KCNK4: variants seen among roughly 807,000 people sequenced by gnomAD.
KCNK4 encodes the protein potassium two pore domain channel subfamily K member 4.
In KCNK4, 22 loss-of-function variants were observed where a neutral mutation model predicts 28.8. The ratio of observed to expected loss-of-function variants is 0.76; its 90% CI spans 0.55 to 1.09. The LOEUF (loss-of-function observed/expected upper bound fraction) is 1.09, where lower values mean the gene tolerates loss of function less well. KCNK4 is among the 50% of genes least tolerant of loss of function. KCNK4 has a pLI of 0.00. For missense variants in KCNK4, 483 were observed against 546.3 expected, an observed-to-expected ratio of 0.88 and a Z score of 1.15; for synonymous variants, 263 against 252.9, an observed-to-expected ratio of 1.04 and a Z score of -0.38.
At chr11:64,299,100 T>C (rs1416053152) in intron 6 of KCNK4, among the ~76,000 whole-genome samples, 4 of 147,884 alleles carry the variant, frequency 2.7e-5, no homozygotes, top group African/African-American at 1.0e-4. Flanking sequence ...GCACGAGATA[T>C]ATTTATACTA....
intron 2 of KCNK4, 22 bp from the exon 3 acceptor site, chr11:64,296,856 C>A: frequency 6.7e-7 from 1 of 1,502,516 alleles, no homozygotes; most frequent in Non-Finnish European, 8.9e-7. Context: ...TGAAGCTCCT[C>A]CTTCTGCACC....
chr11:64,297,407 G>T, intron 4 of KCNK4, 60 bp from the exon 5 acceptor site: 1 of 1,594,954 alleles, frequency 6.3e-7, no homozygotes. Context: ...CGGGAGTGGG[G>T]AGTATGGGAG....
At position 64,297,287 on chromosome 11, in the gene KCNK4, G is replaced by T. The variant is rs374337405; in HGVS notation, c.474+8G>T. On this transcript the variant is annotated splice_region_variant and intron_variant, in intron 4 of 6. Transcript: ENST00000422670. ...ATTGAAGCCATCTTCTTGGTGAGCT[G>T]CTCCATGCCCTGCCTGCCCTTGTGC... 1.9e-6 allele frequency: 3 copies of T among 1,607,714 alleles called. No individual in the cohort carries two copies. Among genetic ancestry groups the T allele is most frequent in the Non-Finnish European group, 2.6e-6 (3 of 1,176,240 alleles).
At position 64,299,359 on chromosome 11, in the gene KCNK4, C is replaced by T. The variant is rs2135236141; in HGVS notation, c.815C>T (p.Thr272Met). The change falls in exon 7 of 7, where the codon ACG becomes ATG. Residue 272 changes from threonine to methionine, a missense_variant. Thr to Met is a moderately conservative substitution (Grantham distance 81, BLOSUM62 -1). Transcript: ENST00000422670. ...CTCTCCGTGCAGATGGGCGGCCTCA[C>T]GGCTCAGGCTGCCAGCTGGACTGGC... ...RRTRAEMGGL[T>M]AQAASWTGTV... 6.4e-7 allele frequency: 1 copy of T among 1,561,326 alleles called. No individual in the cohort carries two copies.
chr11:64,299,280 G>A, intron 6 of KCNK4, 66 bp from the exon 7 acceptor site: 2 of 1,385,812 alleles, frequency 1.4e-6, no homozygotes, highest in Non-Finnish European at 1.9e-6. Context: ...TGAAGGGGCA[G>A]GTTCCCGGGG....
At position 64,299,474 on chromosome 11, in the gene KCNK4, A is replaced by T. The variant is rs1336065832; in HGVS notation, c.930A>T (p.Pro310=). The T allele has an allele frequency of 1.2e-6, 2 of 1,605,836 alleles. No individual in the cohort carries two copies. Residue 310 remains proline (P), a synonymous_variant, in exon 7 of 7, where the codon CCA becomes CCT. Transcript: ENST00000422670. ...EQPLLPPPPC[P]AQPLGRPRSP... is the part of the protein sequence containing the mutation. The stretch of plus-strand genomic sequence containing the variant: ...CACTGCTGCCTCCACCGCCCTGTCC[A>T]GCGCAGCCGCTGGGCAGGCCCCGAT...
At chr11:64,296,660 T>C (rs2034770743) in intron 2 of KCNK4, among the ~76,000 whole-genome samples, 1 of 152,072 alleles carries the variant, frequency 6.6e-6, no homozygotes, top group African/African-American at 2.4e-5. Flanking sequence ...ATACTGAAAA[T>C]GTTTCTCAAA....
In KCNK4 at chr11:64,297,271, A is replaced by G. The variant is rs771563855; in HGVS notation, c.466A>G (p.Ile156Val). 6 of 1,611,864 alleles carry G rather than the reference A, an allele frequency of 3.7e-6. No individual in the cohort carries two copies. Among genetic ancestry groups the G allele is most frequent in the Admixed American group, 3.3e-5 (2 of 59,912 alleles). Reference protein sequence around the residue: ...LRHGIGHIEAIFLKWHVPPEL... With the variant: ...LRHGIGHIEAVFLKWHVPPEL... ...CCATGGCATCGGTCACATTGAAGCC[A>G]TCTTCTTGGTGAGCTGCTCCATGCC... The change falls in exon 4 of 7, where the codon ATC (isoleucine) becomes GTC (valine). Residue 156 changes from isoleucine (I) to valine (V), a missense_variant. Physicochemically the swap from Ile to Val is conservative, Grantham distance 29 (BLOSUM62 3). Transcript: ENST00000422670.
intron 1 of KCNK4, among the ~76,000 whole-genome samples, chr11:64,292,447 G>T (rs2034654650): frequency 6.6e-6 from 1 of 152,188 alleles, no homozygotes; most frequent in Non-Finnish European, 1.5e-5. Flanking sequence ...GGCGAGGCGA[G>T]AGGGGACGGA....
Position 64,299,399 on chromosome 11 carries a change from C to G in KCNK4, c.855C>G (p.Arg285=). ...GCTGGACTGGCACGGTGACAGCGCG[C>G]GTGACCCAGCGAGCCGGGCCCGCCG... ...AASWTGTVTA[R]VTQRAGPAAP... is the part of the protein sequence containing the mutation. The change falls in exon 7 of 7, where the codon CGC becomes CGG. Residue 285 remains arginine, a synonymous_variant. Coordinates refer to ENST00000422670, the MANE Select transcript of KCNK4 (RefSeq NM_033310.3). 6.4e-7 allele frequency: 1 copy of G among 1,572,202 alleles called. No individual in the cohort carries two copies. Among genetic ancestry groups the G allele is most frequent in the Non-Finnish European group, 8.6e-7 (1 of 1,161,750 alleles).
In KCNK4 at chr11:64,299,434, C is replaced by T. The variant is rs2034866450; in HGVS notation, c.890C>T (p.Pro297Leu). Residue 297 changes from proline to leucine, a missense_variant, in exon 7 of 7, where the codon CCG (proline) becomes CTG (leucine). Transcript: ENST00000422670. Reference protein sequence around the residue: ...TQRAGPAAPPPEKEQPLLPPP... With the variant: ...TQRAGPAAPPLEKEQPLLPPP... Reference sequence around the variant, plus strand: ...CGAGCCGGGCCCGCCGCCCCGCCGCCGGAGAAGGAGCAGCCACTGCTGCCT... The same window carrying T: ...CGAGCCGGGCCCGCCGCCCCGCCGCTGGAGAAGGAGCAGCCACTGCTGCCT... 2.5e-6 allele frequency: 4 copies of T among 1,591,658 alleles called. No individual in the cohort carries two copies. The highest frequency in any genetic ancestry group is 1.4e-5 in the African/African-American group (1 of 73,240).
Position 64,299,343 on chromosome 11 carries a change from C to T in KCNK4, c.802-3C>T, listed in dbSNP as rs1351194686. ...TCGAGGGCTGCTTTCCCTCTCCGTG[C>T]AGATGGGCGGCCTCACGGCTCAGGC... On this transcript the variant is annotated splice_region_variant and splice_polypyrimidine_tract_variant and intron_variant, in intron 6 of 6. Coordinates refer to ENST00000422670, the MANE Select transcript of KCNK4 (RefSeq NM_033310.3). The T allele has an allele frequency of 1.9e-6, 3 of 1,547,276 alleles. No individual in the cohort carries two copies. The highest frequency in any genetic ancestry group is 4.8e-5 in the East Asian group (2 of 41,270).
At position 64,296,899 on chromosome 11, in the gene KCNK4, G is replaced by A. The variant is rs752197581; in HGVS notation, c.211G>A (p.Gly71Arg). 4 of 1,510,332 alleles carry A rather than the reference G, an allele frequency of 2.6e-6. No individual in the cohort carries two copies. The highest frequency in any genetic ancestry group is 3.5e-6 in the Non-Finnish European group (4 of 1,131,028). The allele number at this position is 1,510,332 out of a possible 1,614,324, so 93.6% of individuals were successfully genotyped here. Reference protein sequence around the residue: ...LIKEVADALGGGADPETNSTS... With the variant: ...LIKEVADALGRGADPETNSTS... ...GCAGGAGGTGGCTGATGCCCTGGGA[G>A]GGGGTGCGGACCCAGAAACCAACTC... Residue 71 changes from glycine (G) to arginine (R), a missense_variant, in exon 3 of 7, where the codon GGG becomes AGG. Physicochemically the swap from Gly to Arg is moderately radical, Grantham distance 125 (BLOSUM62 -2). Coordinates refer to ENST00000422670, the MANE Select transcript of KCNK4 (RefSeq NM_033310.3).
intron 1 of KCNK4, among the ~76,000 whole-genome samples, chr11:64,292,402 C>G (rs1329540971): frequency 6.6e-6 from 1 of 152,098 alleles, no homozygotes; most frequent in Non-Finnish European, 1.5e-5. Flanking sequence ...CCCGGCGGGG[C>G]GCGGGGGCAC....
In KCNK4 at chr11:64,299,690, C is replaced by T. The variant is rs763304217; in HGVS notation, c.1146C>T (p.Gly382=). The T allele has an allele frequency of 1.3e-6, 2 of 1,566,518 alleles. No individual in the cohort carries two copies. The highest frequency in any genetic ancestry group is 1.9e-5 in the Admixed American group (1 of 53,596). Residue 382 remains glycine, a synonymous_variant, in exon 7 of 7, where the codon GGC becomes GGT. Transcript: ENST00000422670. ...NPPRKPVRPR[G]PGRPRDKGVP... ...CCAGGAAGCCCGTGCGGCCCCGCGG[C>T]CCCGGGCGTCCCCGAGACAAAGGCG...
At position 64,299,253 on chromosome 11, in the gene KCNK4, G is replaced by C. The variant is rs2034858605; in HGVS notation, c.802-93G>C. On this transcript the variant is annotated intron_variant, in intron 6 of 6. Coordinates refer to ENST00000422670, the MANE Select transcript of KCNK4 (RefSeq NM_033310.3). ...AGGACCAGGCAGAAAAGAGGGTTGG[G>C]GTTTGATCCCTGCTGGTGAAGGGGC... 3 of 1,193,418 alleles carry C rather than the reference G, an allele frequency of 2.5e-6. No individual in the cohort carries two copies. The South Asian group carries it at 5.1e-5, about 20-fold the overall frequency. 73.9% of individuals were successfully genotyped at this position (1,193,418 alleles called of 1,614,324 possible). A position where few individuals can be genotyped will look rare whatever the true frequency, so the allele number is the denominator to read the frequency against.
chr11:64,296,859 T>A lies in KCNK4; in HGVS notation c.190-19T>A. The stretch of plus-strand genomic sequence containing the variant: ...GGAGGGAAGAACTGAAGCTCCTCCT[T>A]CTGCACCTTGTCCTGCAGGAGGTGG... On this transcript the variant is annotated intron_variant, in intron 2 of 6. Transcript: ENST00000422670. 1 of 1,506,364 alleles carries A rather than the reference T, an allele frequency of 6.6e-7. No homozygotes were observed. Among genetic ancestry groups the A allele is most frequent in the Non-Finnish European group, 8.9e-7 (1 of 1,129,366 alleles). The allele number at this position is 1,506,364 out of a possible 1,614,324, so 93.3% of individuals were successfully genotyped here.
rs1168635231 is a variant in KCNK4 at position 64,299,964 on chromosome 11, A to G, written c.*238A>G. The G allele has an allele frequency of 4.4e-6, 3 of 677,834 alleles. No individual in the cohort carries two copies. The highest frequency in any genetic ancestry group is 5.7e-5 in the Admixed American group (2 of 34,880). The allele number at this position is 677,834 out of a possible 1,614,324, so 42.0% of individuals were successfully genotyped here. A position where few individuals can be genotyped will look rare whatever the true frequency, so the allele number is the denominator to read the frequency against. Reference sequence around the variant, plus strand: ...GGTGTATCCCTCACAGCACCTCACGACTGTGCCTCAAAGCCTGCATCAATA... The same window carrying G: ...GGTGTATCCCTCACAGCACCTCACGGCTGTGCCTCAAAGCCTGCATCAATA... On this transcript the variant is annotated 3_prime_UTR_variant, in exon 7 of 7. Transcript: ENST00000422670.
intron 2 of KCNK4, among the ~76,000 whole-genome samples, chr11:64,296,382 G>A (rs912590488): frequency 1.3e-5 from 2 of 152,094 alleles, no homozygotes; most frequent in Middle Eastern, 3.2e-3. Context: ...TGGGAGTGGT[G>A]GGGTTGGAAA....
Sources: gnomAD v4.1 joint callset for allele counts (sites outside exome capture counted in the v4.1 genomes callset) on GRCh38, gnomAD v4.1.1 for gene constraint, MANE v1.5 for transcripts, NCBI Gene and HGNC (gene_info 2026-07-23, HGNC 2026-07-21) for gene names.